The following BUD13 variants were observed in gnomAD, a reference collection of about 807,000 sequenced individuals.
BUD13 encodes the protein BUD13 spliceosome associated protein, also known as BUD13 homolog.
Under a neutral mutation model 62.5 loss-of-function variants are expected in BUD13, and 47 were observed. The observed-to-expected ratio is 0.75, with a 90% CI of 0.60 to 0.96. The LOEUF (loss-of-function observed/expected upper bound fraction) is 0.96, where lower values mean the gene tolerates loss of function less well. Among genes scored for constraint, BUD13 ranks in the 40% least tolerant of loss-of-function variants. The pLI is 0.00. For missense variants in BUD13, 821 were observed against 790.9 expected, an observed-to-expected ratio of 1.04 and a Z score of -0.46; for synonymous variants, 293 against 280.1, an observed-to-expected ratio of 1.05 and a Z score of -0.46.
chr11:116,761,784 C>T (rs10488699), intron 4 of BUD13, among the ~76,000 whole-genome samples: 14,802 of 152,196 alleles, frequency 0.097, 890 homozygotes, highest in African/African-American at 0.16. Context: ...TAAGTTCTAG[C>T]GACTGTATAA....
In BUD13 at chr11:116,763,059, G is replaced by A; in HGVS notation, c.530C>T (p.Pro177Leu). ...TGAGGAGTCATGACGGATCCTCCTG[G>A]GAGGAGATGTGTCTGAGTCATGACG... ...GARHDSDTSP[P>L]RRIRHDSSDT... is the part of the protein sequence containing the mutation. Residue 177 changes from proline (P) to leucine (L), a missense_variant, in exon 4 of 10, where the codon CCC (proline) becomes CTC (leucine). Transcript: ENST00000260210. The A allele has an allele frequency of 6.2e-7, 1 of 1,612,806 alleles. No homozygotes were observed. The highest frequency in any genetic ancestry group is 8.5e-7 in the Non-Finnish European group (1 of 1,179,472).
chr11:116,761,397 C>T (rs1215004835), intron 4 of BUD13, among the ~76,000 whole-genome samples: 1 of 148,198 alleles, frequency 6.7e-6, no homozygotes, highest in African/African-American at 2.5e-5. Flanking sequence ...GATAACTTAC[C>T]AAGCTAATGT....
chr11:116,754,467 A>G (rs1009196621), intron 9 of BUD13, among the ~76,000 whole-genome samples: 1 of 152,248 alleles, frequency 6.6e-6, no homozygotes, highest in Non-Finnish European at 1.5e-5. Flanking sequence ...ATGCACTCCT[A>G]AATAACCCAT....
chr11:116,752,282 T>A (rs550303184), intron 9 of BUD13, among the ~76,000 whole-genome samples: 17 of 152,216 alleles, frequency 1.1e-4, no homozygotes, highest in African/African-American at 4.1e-4. Flanking sequence ...TGGGTAATTA[T>A]CTTATGGGTT....
In BUD13 at chr11:116,772,231, A is replaced by C. The variant is rs950953580; in HGVS notation, c.143+591T>G. ...AAAACGATTTGGTAGGGCCCACTACACTGGGCCACAAAGTTGTCCCATATG... is the reference window on the plus strand; with the variant it reads ...AAAACGATTTGGTAGGGCCCACTACCCTGGGCCACAAAGTTGTCCCATATG... On this transcript the variant is annotated intron_variant, in intron 1 of 9. Transcript: ENST00000260210. Among the ~76,000 whole-genome samples the C allele has an allele frequency of 3.9e-5, 6 of 152,234 alleles. No individual in the cohort carries two copies. The East Asian group carries it at 1.2e-3, about 29-fold the overall frequency.
intron 4 of BUD13, 115 bp downstream of exon 4, chr11:116,762,438 C>A (rs1254138461): frequency 1.1e-6 from 1 of 934,636 alleles, no homozygotes; most frequent in African/African-American, 1.7e-5. Context: ...CAGCCTCTCA[C>A]TTTTCAAAAC....
Position 116,748,459 on chromosome 11 carries a change from C to A in BUD13, c.*23G>T. On this transcript the variant is annotated 3_prime_UTR_variant, in exon 10 of 10. Coordinates refer to ENST00000260210, the MANE Select transcript of BUD13 (RefSeq NM_032725.4). The stretch of plus-strand genomic sequence containing the variant: ...GCCTATGCCCACTACCACAGCCCAG[C>A]CACCCCCACAGCCTCAGGAAAGTTA... 1 of 1,609,450 alleles carries A rather than the reference C, an allele frequency of 6.2e-7. No homozygotes were observed. Among genetic ancestry groups the A allele is most frequent in the Non-Finnish European group, 8.5e-7 (1 of 1,175,724 alleles).
rs148291129 is a variant in BUD13, at chr11:116,768,433, A to G, written c.237+1696T>C. ...AAAAAAATAAAATACAAGCGTGTAT[A>G]ATCTCTAAAGAGAAAAACCTGAAGA... On this transcript the variant is annotated intron_variant, in intron 2 of 9. Coordinates refer to ENST00000260210, the MANE Select transcript of BUD13 (RefSeq NM_032725.4). Among the ~76,000 whole-genome samples the G allele has an allele frequency of 1.9e-4, 29 of 152,340 alleles. No homozygotes were observed. The East Asian group carries it at 4.0e-3, about 21-fold the overall frequency.
Position 116,772,955 on chromosome 11 carries a change from C to G in BUD13, c.10G>C (p.Ala4Pro), listed in dbSNP as rs1339771173. The G allele has an allele frequency of 1.3e-6, 2 of 1,559,988 alleles. No individual in the cohort carries two copies. The highest frequency in any genetic ancestry group is 1.7e-6 in the Non-Finnish European group (2 of 1,151,146). The change falls in exon 1 of 10, where the codon GCT becomes CCT. Residue 4 changes from alanine (A) to proline (P), a missense_variant. Physicochemically the swap from Ala to Pro is conservative, Grantham distance 27. This residue lies in a region of BUD13 where 800 missense variants were observed against 739.2 expected (regional missense o/e 1.08). Transcript: ENST00000260210. ...TACTCGGCCTTGGAAAGCGGCGGAG[C>G]TGCCGCCATGGCAGCGGCGGGGGCA... is the stretch of plus-strand genomic sequence containing the variant. MAA[A>P]PPLSKAEYLK...
rs139217795 is a variant in BUD13, at chr11:116,762,877, T to C, written c.712A>G (p.Ile238Val). The change falls in exon 4 of 10, where the codon ATC becomes GTC. Residue 238 changes from isoleucine (I) to valine (V), a missense_variant. Transcript: ENST00000260210. ...TTATGGACCCTTCTGGGGGAAGAGATATCTGAGGAACCATGACGGGCTCGC... is the reference window on the plus strand; with the variant it reads ...TTATGGACCCTTCTGGGGGAAGAGACATCTGAGGAACCATGACGGGCTCGC... ...PRRARHGSSD[I>V]SSPRRVHNNS... is the part of the protein sequence containing the mutation. The C allele has an allele frequency of 4.0e-4, 638 of 1,613,326 alleles. 1 individual carries two copies. In the African/African-American group the frequency reaches 7.6e-3, roughly 19 times the overall value.
chr11:116,770,703 T>C (rs571995423), intron 1 of BUD13, among the ~76,000 whole-genome samples: 9 of 151,810 alleles, frequency 5.9e-5, no homozygotes, highest in Admixed American at 2.0e-4. Context: ...ACCGTGTTAG[T>C]CAGGATGGTC....
intron 6 of BUD13, 54 bp downstream of exon 6, chr11:116,759,018 TAA>T (rs35268246): frequency 3.0e-3 from 3,285 of 1,078,060 alleles, no homozygotes; most frequent in Non-Finnish European, 3.6e-3. Flanking sequence ...TAAGCTAAAT[TAA>T]AAAAAAAAAA....
chr11:116,768,037 C>T (rs1307122987), intron 2 of BUD13, among the ~76,000 whole-genome samples: 1 of 151,210 alleles, frequency 6.6e-6, no homozygotes, highest in Non-Finnish European at 1.5e-5. Flanking sequence ...ATATTGACGA[C>T]GTAGGCAAAC....
chr11:116,766,168 C>T (rs1413387058), intron 2 of BUD13, among the ~76,000 whole-genome samples: 3 of 152,196 alleles, frequency 2.0e-5, no homozygotes, highest in African/African-American at 7.2e-5. Flanking sequence ...TAGTTCTGAC[C>T]TGTGATGTAA....
At chr11:116,770,639 C>T (rs1256195134) in intron 1 of BUD13, among the ~76,000 whole-genome samples, 2 of 152,024 alleles carry the variant, frequency 1.3e-5, no homozygotes, top group African/African-American at 2.4e-5. Flanking sequence ...GGACTACAGG[C>T]GACCACTGCC....
chr11:116,753,487 T>C (rs1035397246), intron 9 of BUD13, among the ~76,000 whole-genome samples: 1 of 152,220 alleles, frequency 6.6e-6, no homozygotes, highest in Non-Finnish European at 1.5e-5. Context: ...AACTACCTGC[T>C]AGAATAAAAA....
At position 116,762,557 on chromosome 11, in the gene BUD13, G is replaced by C; in HGVS notation, c.1032C>G (p.Ser344=). 6.2e-7 allele frequency: 1 copy of C among 1,605,526 alleles called. No individual in the cohort carries two copies. Residue 344 remains serine (S), a synonymous_variant, in exon 4 of 10, where the codon TCC becomes TCG. Transcript: ENST00000260210. The part of the protein sequence containing the change: ...SHFGDKKQLD[S]KGDCQKATDS... The stretch of plus-strand genomic sequence containing the variant: ...CATGGACAGTCATATGCTCACCTTT[G>C]GAATCAAGCTGCTTCTTGTCTCCAA...
At chr11:116,757,978 G>C in intron 7 of BUD13, 28 bp from the exon 8 acceptor site, 3 of 1,610,494 alleles carry the variant, frequency 1.9e-6, no homozygotes, top group Non-Finnish European at 2.5e-6. Flanking sequence ...AAGAGTGTTT[G>C]CTATCCTGTA....
In BUD13 at chr11:116,760,791, T is replaced by G; in HGVS notation, c.1198A>C (p.Lys400Gln). The G allele has an allele frequency of 6.2e-7, 1 of 1,614,196 alleles. No homozygotes were observed. Residue 400 changes from lysine (K) to glutamine (Q), a missense_variant, in exon 5 of 10, where the codon AAA becomes CAA. Lys to Gln is a moderately conservative substitution (Grantham distance 53). Transcript: ENST00000260210. ...GGGGACAGGTCAGAATCAGAAGATT[T>G]GGTCCTCTGTCTCCTCCTTGGTGGA... is the stretch of plus-strand genomic sequence containing the variant. The part of the protein sequence containing the change: ...LSPPRRRQRT[K>Q]SSDSDLSPPR...
Sources: gnomAD v4.1 joint callset for allele counts (sites outside exome capture counted in the v4.1 genomes callset) on GRCh38, gnomAD v4.1.1 for gene constraint, gnomAD v4.1.1 regional missense constraint, MANE v1.5 for transcripts, NCBI Gene and HGNC (gene_info 2026-07-23, HGNC 2026-07-21) for gene names.